The following NOS1 variants were observed in gnomAD, a reference collection of about 807,000 sequenced individuals.
NOS1 encodes the protein nitric oxide synthase 1, also known as NOS type I.
NOS1 carries 51 observed loss-of-function variants against 164.5 expected under a neutral mutation model. The ratio of observed to expected loss-of-function variants is 0.31; its 90% CI spans 0.25 to 0.39. The LOEUF (loss-of-function observed/expected upper bound fraction) is 0.39. Among genes scored for constraint, NOS1 ranks in the 10% least tolerant of loss-of-function variants. The pLI is 1.00. For synonymous variants in NOS1, 719 were observed against 745.8 expected, an observed-to-expected ratio of 0.96 and a Z score of 0.59; for missense variants, 1,362 against 1,885.6, an observed-to-expected ratio of 0.72 and a Z score of 5.14.
At chr12:117,292,713 A>G (rs1873141378) in intron 3 of NOS1, among the ~76,000 whole-genome samples, 1 of 152,196 alleles carries the variant, frequency 6.6e-6, no homozygotes, top group African/African-American at 2.4e-5. Context: ...TAACAGCTTG[A>G]CTATCCTGCC....
At chr12:117,287,654 G>A (rs1044445447) in intron 5 of NOS1, among the ~76,000 whole-genome samples, 1 of 152,166 alleles carries the variant, frequency 6.6e-6, no homozygotes, top group African/African-American at 2.4e-5. Flanking sequence ...GGCCAGGCTG[G>A]TCTTGAATTC....
At chr12:117,253,800 T>A in intron 16 of NOS1, 46 bp from the exon 17 acceptor site, 2 of 1,322,414 alleles carry the variant, frequency 1.5e-6, no homozygotes, top group Non-Finnish European at 2.2e-6. Context: ...TGGAGCTCCC[T>A]CCTGAGGTCA....
At chr12:117,294,566 T>C (rs999080395) in intron 3 of NOS1, among the ~76,000 whole-genome samples, 6 of 152,156 alleles carry the variant, frequency 3.9e-5, no homozygotes, top group Admixed American at 2.0e-4. Context: ...GCAGCAATAT[T>C]AGATGACTCA....
chr12:117,290,209 C>A, intron 4 of NOS1, 89 bp downstream of exon 4: 1 of 1,497,850 alleles, frequency 6.7e-7, no homozygotes, highest in South Asian at 1.2e-5. Context: ...CAACAGAGGA[C>A]AGCCCCCACA....
chr12:117,351,242 C>G (rs1232211819), intron 1 of NOS1, among the ~76,000 whole-genome samples: 3 of 152,188 alleles, frequency 2.0e-5, no homozygotes. Context: ...TGCTCTCTCC[C>G]TCTCTTAGTG....
At chr12:117,276,502 T>C (rs141280509) in intron 9 of NOS1, among the ~76,000 whole-genome samples, 3,519 of 152,266 alleles carry the variant, frequency 0.023, 61 homozygotes, top group Non-Finnish European at 0.035. Flanking sequence ...AGGCTGGCCT[T>C]GAACTCTTGA....
chr12:117,286,018 G>T, intron 6 of NOS1, 86 bp downstream of exon 6: 1 of 1,493,056 alleles, frequency 6.7e-7, no homozygotes, highest in Non-Finnish European at 9.2e-7. Flanking sequence ...CTTGGTAGAA[G>T]CTTATCCTTT....
At chr12:117,299,377 G>A (rs1038441427) in intron 3 of NOS1, among the ~76,000 whole-genome samples, 5 of 152,106 alleles carry the variant, frequency 3.3e-5, no homozygotes, top group South Asian at 2.1e-4. Flanking sequence ...GGTGGCTCAC[G>A]CCTGTAATCC....
chr12:117,232,340 C>A (rs887256224), intron 21 of NOS1, among the ~76,000 whole-genome samples: 3 of 151,834 alleles, frequency 2.0e-5, no homozygotes, highest in Non-Finnish European at 2.9e-5. Context: ...CAAATGAATC[C>A]AAAAATTAAG....
At chr12:117,343,603 A>C (rs1876215472) in intron 1 of NOS1, among the ~76,000 whole-genome samples, 1 of 152,240 alleles carries the variant, frequency 6.6e-6, no homozygotes, top group Admixed American at 6.5e-5. Flanking sequence ...ATTAAGCAAG[A>C]TGGACACCGT....
rs190217807 is a variant in NOS1, at chr12:117,316,769, A to T, written c.726-5177T>A. 2.1e-3 allele frequency among the ~76,000 whole-genome samples: 324 copies of T among 152,192 alleles called. 2 individuals are homozygous for T. Among genetic ancestry groups the T allele is most frequent in the African/African-American group, 7.5e-3 (311 of 41,516 alleles). On this transcript the variant is annotated intron_variant, in intron 2 of 28. Coordinates refer to ENST00000317775, the MANE Select transcript of NOS1 (RefSeq NM_000620.5). ...CTCTGGGAGGGCAGCATTTGGTTAG[A>T]CCTCATATCTGAGAAGAACCTCAAA...
At chr12:117,350,694 T>C (rs1271196390) in intron 1 of NOS1, among the ~76,000 whole-genome samples, 1 of 152,096 alleles carries the variant, frequency 6.6e-6, no homozygotes, top group East Asian at 1.9e-4. Context: ...CTGGGATTGG[T>C]CTTACTCACC....
At chr12:117,274,176 C>G (rs1872993620) in intron 9 of NOS1, among the ~76,000 whole-genome samples, 1 of 152,124 alleles carries the variant, frequency 6.6e-6, no homozygotes, top group African/African-American at 2.4e-5. Flanking sequence ...AGACATTTCT[C>G]CAAAGAAGAT....
intron 9 of NOS1, among the ~76,000 whole-genome samples, chr12:117,277,030 G>T (rs1240172687): frequency 6.6e-6 from 1 of 152,072 alleles, no homozygotes; most frequent in Non-Finnish European, 1.5e-5. Flanking sequence ...TCATATGGTA[G>T]CTCAATTTTT....
chr12:117,316,816 C>T (rs1408875674), intron 2 of NOS1, among the ~76,000 whole-genome samples: 1 of 152,080 alleles, frequency 6.6e-6, no homozygotes, highest in Admixed American at 6.5e-5. Context: ...GATGTTCTCT[C>T]CAAATGTGGT....
At position 117,286,144 on chromosome 12, in the gene NOS1, G is replaced by A. The variant is rs922724760; in HGVS notation, c.1250C>T (p.Ala417Val). Residue 417 changes from alanine (A) to valine (V), a missense_variant, in exon 6 of 29, where the codon GCC becomes GTC. By Grantham distance (64) the Ala-to-Val change is moderately conservative. Transcript: ENST00000317775. ...CTGGATCCTGCCCACACAGCGCGAG[G>A]CATTCCGCCAGGCGTGCTTGGCCCC... ...IYGAKHAWRN[A>V]SRCVGRIQWS... is the part of the protein sequence containing the mutation. 1 of 1,614,100 alleles carries A rather than the reference G, an allele frequency of 6.2e-7. No individual in the cohort carries two copies. Among genetic ancestry groups the A allele is most frequent in the Non-Finnish European group, 8.5e-7 (1 of 1,180,058 alleles).
chr12:117,331,192 G>T lies in NOS1; in HGVS notation c.-123C>A. On this transcript the variant is annotated 5_prime_UTR_variant, in exon 2 of 29. Transcript: ENST00000317775. Reference sequence around the variant, plus strand: ...AGCAGGAGCCGGGGTGACAGGTGCTGACAAGGCTTCAGCCCTCTCTGTCTT... The same window carrying T: ...AGCAGGAGCCGGGGTGACAGGTGCTTACAAGGCTTCAGCCCTCTCTGTCTT... 1 of 1,276,398 alleles carries T rather than the reference G, an allele frequency of 7.8e-7. No homozygotes were observed. The highest frequency in any genetic ancestry group is 1.1e-6 in the Non-Finnish European group (1 of 927,456). The allele number at this position is 1,276,398 out of a possible 1,614,324, so 79.1% of individuals were successfully genotyped here.
intron 2 of NOS1, among the ~76,000 whole-genome samples, chr12:117,329,761 G>T (rs1353101345): frequency 6.6e-6 from 1 of 152,136 alleles, no homozygotes; most frequent in Non-Finnish European, 1.5e-5. Flanking sequence ...CAAGACTGCG[G>T]TTTTTAGGAA....
intron 20 of NOS1, among the ~76,000 whole-genome samples, chr12:117,237,377 C>CT (rs397750842): frequency 4.3e-4 from 66 of 151,816 alleles, no homozygotes; most frequent in African/African-American, 1.6e-3. Flanking sequence ...GATGATCCAC[C>CT]GCCTCAACCT....
Sources: allele counts gnomAD v4.1 joint callset (sites outside exome capture counted in the v4.1 genomes callset), GRCh38; gene constraint gnomAD v4.1.1; transcripts MANE v1.5; gene names NCBI Gene and HGNC (gene_info 2026-07-23, HGNC 2026-07-21).